The following TSEN2 variants were observed in gnomAD, a reference collection of about 807,000 sequenced individuals.
TSEN2 encodes the protein tRNA-splicing endonuclease subunit Sen2.
Under a neutral mutation model 59.2 loss-of-function variants are expected in TSEN2, and 54 were observed. The ratio of observed to expected loss-of-function variants is 0.91; its 90% confidence interval spans 0.73 to 1.14. The LOEUF is 1.14. Among genes scored for constraint, TSEN2 ranks in the 50% most tolerant of loss-of-function variants. The pLI, the probability that TSEN2 is intolerant of heterozygous loss-of-function variation, is 0.00. For synonymous variants in TSEN2, 195 were observed against 198.2 expected, an observed-to-expected ratio of 0.98 and a Z score of 0.14; for missense variants, 636 against 576.2, an observed-to-expected ratio of 1.10 and a Z score of -1.06.
At chr3:12,533,822 A>G (rs536898478), downstream of TSEN2, among the ~76,000 whole-genome samples, 23 of 152,252 alleles carry the variant, frequency 1.5e-4, no homozygotes, top group African/African-American at 5.5e-4. Context: ...AAACCCTTAC[A>G]TGTTTGTTAT....
intron 4 of TSEN2, among the ~76,000 whole-genome samples, chr3:12,497,285 C>T (rs1373622708): frequency 6.6e-6 from 1 of 152,202 alleles, no homozygotes; most frequent in Non-Finnish European, 1.5e-5. Flanking sequence ...CCTCCTTGTC[C>T]CTGTGATACA....
chr3:12,519,605 G>T (rs374367771), intron 8 of TSEN2, among the ~76,000 whole-genome samples: 1 of 152,120 alleles, frequency 6.6e-6, no homozygotes, highest in Non-Finnish European at 1.5e-5. Flanking sequence ...AATTAGCTGG[G>T]CGTGGTAGCG....
At chr3:12,518,658 A>G (rs1397030868) in intron 7 of TSEN2, among the ~76,000 whole-genome samples, 1 of 151,858 alleles carries the variant, frequency 6.6e-6, no homozygotes, top group Non-Finnish European at 1.5e-5. Flanking sequence ...TACACAGTTT[A>G]TTTAACCCAA....
rs1428641620 is a variant in TSEN2, at chr3:12,505,230, A to G, written c.908A>G (p.Glu303Gly). Residue 303 changes from glutamate (E) to glycine (G), a missense_variant and splice_region_variant, in exon 6 of 12, where the codon GAG becomes GGG. Coordinates refer to ENST00000284995, the MANE Select transcript of TSEN2 (RefSeq NM_025265.4). ...GAGTATTTGCAACTCAGCCTAGAAG[A>G]GGTATGTTTTCAACATATTATTATT... ...IFEYLQLSLE[E>G]AFFLVYALGC... The G allele has an allele frequency of 6.3e-7, 1 of 1,598,716 alleles. No homozygotes were observed. Among genetic ancestry groups the G allele is most frequent in the Non-Finnish European group, 8.6e-7 (1 of 1,166,066 alleles).
intron 7 of TSEN2, among the ~76,000 whole-genome samples, chr3:12,517,673 G>C (rs1486872126): frequency 6.6e-6 from 1 of 152,148 alleles, no homozygotes; most frequent in Non-Finnish European, 1.5e-5. Context: ...ACCGTTCATG[G>C]GTATTCCAGC....
rs552442489 is a variant in TSEN2, at chr3:12,529,884, A to G, written c.1248+11A>G. 1.2e-6 allele frequency: 2 copies of G among 1,612,530 alleles called. No individual in the cohort carries two copies. Among genetic ancestry groups the G allele is most frequent in the African/African-American group, 2.7e-5 (2 of 74,606 alleles). ...GTTAATGTCTCTAAGGTAACACAAC[A>G]TCAGCTTTGCCATTGGAGTGTCACT... is the stretch of plus-strand genomic sequence containing the variant. On this transcript the variant is annotated intron_variant, in intron 10 of 11. Transcript: ENST00000284995.
At chr3:12,494,214 G>A (rs1222870529) in intron 3 of TSEN2, among the ~76,000 whole-genome samples, 1 of 151,396 alleles carries the variant, frequency 6.6e-6, no homozygotes, top group South Asian at 2.1e-4. Flanking sequence ...ATCAGGAGAG[G>A]ACCTGTGGAA....
Position 12,529,698 on chromosome 3 carries a change from A to G in TSEN2, c.1137-64A>G, listed in dbSNP as rs2057336342. The G allele has an allele frequency of 2.0e-6, 3 of 1,469,616 alleles. No individual in the cohort carries two copies. The South Asian group carries it at 3.5e-5, about 17-fold the overall frequency. 91.0% of individuals were successfully genotyped at this position (1,469,616 alleles called of 1,614,324 possible). On this transcript the variant is annotated intron_variant, in intron 9 of 11. Coordinates refer to ENST00000284995, the MANE Select transcript of TSEN2 (RefSeq NM_025265.4). ...CTGTATATTTGTTCTTGGTAGGACA[A>G]ATATTCTTTTTAAACAGATTTATTT...
At chr3:12,502,825 G>A (rs1014670703) in intron 4 of TSEN2, among the ~76,000 whole-genome samples, 5 of 151,872 alleles carry the variant, frequency 3.3e-5, no homozygotes, top group Non-Finnish European at 5.9e-5. Flanking sequence ...TGTAATCCCA[G>A]CACTTTGGGA....
intron 4 of TSEN2, among the ~76,000 whole-genome samples, chr3:12,502,616 T>C (rs113111548): frequency 2.0e-4 from 30 of 151,612 alleles, no homozygotes; most frequent in African/African-American, 7.0e-4. Context: ...AATCACTTAA[T>C]CTATCAGTTT....
chr3:12,536,302 G>A (rs972428060), downstream of TSEN2, among the ~76,000 whole-genome samples: 1 of 152,156 alleles, frequency 6.6e-6, no homozygotes, highest in African/African-American at 2.4e-5. Context: ...CCTGGTTCTA[G>A]GAGTAATTCA....
At position 12,503,798 on chromosome 3, in the gene TSEN2, A is replaced by T; in HGVS notation, c.831+14A>T. On this transcript the variant is annotated intron_variant, in intron 5 of 11. Coordinates refer to ENST00000284995, the MANE Select transcript of TSEN2 (RefSeq NM_025265.4). The stretch of plus-strand genomic sequence containing the variant: ...CCAAATGAGGAAGTAAGTAGAAGAA[A>T]ATAAATCGCTTCCTCCAAAGCCATC... 6.2e-7 allele frequency: 1 copy of T among 1,612,364 alleles called. No homozygotes were observed. The highest frequency in any genetic ancestry group is 8.5e-7 in the Non-Finnish European group (1 of 1,179,510).
At chr3:12,480,534 T>G (rs1169801557), upstream of TSEN2, among the ~76,000 whole-genome samples, 11 of 140,794 alleles carry the variant, frequency 7.8e-5, no homozygotes, top group Non-Finnish European at 1.5e-4. Context: ...CTTTGTTTTT[T>G]TTTTTTTTTT....
chr3:12,483,111 C>T (rs114783860), upstream of TSEN2, among the ~76,000 whole-genome samples: 2,154 of 152,320 alleles, frequency 0.014, 53 homozygotes, highest in African/African-American at 0.047. Flanking sequence ...TGCAGTGGCT[C>T]AAGCCTGTAA....
chr3:12,534,234 G>A (rs2057616909), downstream of TSEN2, among the ~76,000 whole-genome samples: 1 of 152,138 alleles, frequency 6.6e-6, no homozygotes, highest in Admixed American at 6.5e-5. Flanking sequence ...TTACTTACTG[G>A]TTATGCCTGT....
At chr3:12,530,937 A>G (rs1287477193) in intron 10 of TSEN2, 3 of 202,498 alleles carry the variant, frequency 1.5e-5, no homozygotes, top group African/African-American at 7.1e-5. Flanking sequence ...AATACTTGAG[A>G]CTGGGTAATT....
At chr3:12,513,474 C>T (rs1423701847) in intron 6 of TSEN2, among the ~76,000 whole-genome samples, 1 of 152,154 alleles carries the variant, frequency 6.6e-6, no homozygotes, top group African/African-American at 2.4e-5. Flanking sequence ...CTTTTCATAG[C>T]TTATTAAATC....
intron 3 of TSEN2, among the ~76,000 whole-genome samples, chr3:12,496,129 C>T (rs1290616134): frequency 6.6e-6 from 1 of 152,182 alleles, no homozygotes; most frequent in Non-Finnish European, 1.5e-5. Flanking sequence ...ACATGGAAGG[C>T]GCTTTCAGTG....
chr3:12,504,534 GA>G (rs769629071), intron 5 of TSEN2, among the ~76,000 whole-genome samples: 1 of 152,040 alleles, frequency 6.6e-6, no homozygotes, highest in African/African-American at 2.4e-5. Flanking sequence ...GCAACAGTGA[GA>G]CACTGTCTCA....
Sources: allele counts gnomAD v4.1 joint callset (sites outside exome capture counted in the v4.1 genomes callset), GRCh38; gene constraint gnomAD v4.1.1; transcripts MANE v1.5; gene names NCBI Gene and HGNC (gene_info 2026-07-23, HGNC 2026-07-21).